Variants in ME2 observed in about 807,000 individuals in gnomAD.
ME2 encodes NAD-dependent malic enzyme, mitochondrial.
In ME2, 60 loss-of-function variants were observed where a neutral mutation model predicts 73.7. The observed-to-expected ratio is 0.81, with a 90% CI of 0.66 to 1.01. The LOEUF is 1.01. ME2 is among the 50% of genes least tolerant of loss of function. The pLI, the probability that ME2 is intolerant of heterozygous loss-of-function variation, is 0.00. For synonymous variants in ME2, 199 were observed against 236.9 expected, an observed-to-expected ratio of 0.84 and a Z score of 1.47; for missense variants, 594 against 705.5, an observed-to-expected ratio of 0.84 and a Z score of 1.79.
chr18:50,933,474 C>T (rs1487882132), intron 13 of ME2: 1 of 152,032 alleles, frequency 6.6e-6, no homozygotes, highest in Non-Finnish European at 1.5e-5. Flanking sequence ...TTTTGCCCCT[C>T]ATGTTTTCCT....
intron 1 of ME2, among the ~76,000 whole-genome samples, chr18:50,894,280 T>G (rs529798097): frequency 3.9e-5 from 6 of 152,328 alleles, no homozygotes; most frequent in African/African-American, 1.2e-4. Flanking sequence ...ACATCCCTTT[T>G]TGGCCGGGCG....
Position 50,920,459 on chromosome 18 carries a change from T to C in ME2, c.738T>C (p.Tyr246=), listed in dbSNP as rs1400533265. The C allele has an allele frequency of 2.5e-6, 4 of 1,591,044 alleles. No individual in the cohort carries two copies. Among genetic ancestry groups the C allele is most frequent in the Admixed American group, 1.9e-5 (1 of 52,316 alleles). Residue 246 remains tyrosine (Y), a synonymous_variant, in exon 8 of 16, where the codon TAT becomes TAC. Coordinates refer to ENST00000321341, the MANE Select transcript of ME2 (RefSeq NM_002396.5). The part of the protein sequence containing the change: ...DEFMKAITDR[Y]GRNTLIQFED... Reference sequence around the variant, plus strand: ...TTGTGGGTTTTGCTGTTTTTAGATATGGCCGGAACACACTCATTCAGTTCG... The same window carrying C: ...TTGTGGGTTTTGCTGTTTTTAGATACGGCCGGAACACACTCATTCAGTTCG...
chr18:50,899,091 C>CT (rs1390363955), intron 2 of ME2, among the ~76,000 whole-genome samples: 2 of 152,172 alleles, frequency 1.3e-5, no homozygotes, highest in East Asian at 3.9e-4. Context: ...CTTGCATTAC[C>CT]GCCTGTGCTC....
intron 1 of ME2, among the ~76,000 whole-genome samples, chr18:50,880,590 T>A (rs1335601050): frequency 1.3e-5 from 2 of 152,220 alleles, no homozygotes; most frequent in Non-Finnish European, 2.9e-5. Flanking sequence ...CTAATTTTTG[T>A]AATTTTAATA....
rs143686338 is a variant in ME2 at position 50,885,345 on chromosome 18, C to T, written c.-13+6037C>T. On this transcript the variant is annotated intron_variant, in intron 1 of 15. Transcript: ENST00000321341. ...AGACCAGCCTGGGCAACATAGCAAA[C>T]GCCAGCTGTACAAAATATTAAAATT... 8.1e-4 allele frequency among the ~76,000 whole-genome samples: 123 copies of T among 152,120 alleles called. 1 individual carries two copies. Among genetic ancestry groups the T allele is most frequent in the Admixed American group, 5.7e-3 (87 of 15,266 alleles).
intron 2 of ME2, among the ~76,000 whole-genome samples, chr18:50,903,645 C>T (rs1356638139): frequency 3.3e-5 from 5 of 152,118 alleles, no homozygotes; most frequent in Non-Finnish European, 7.4e-5. Flanking sequence ...GATGAGGTTT[C>T]ACCATGCTGC....
At chr18:50,880,213 A>G (rs565551702) in intron 1 of ME2, among the ~76,000 whole-genome samples, 1 of 152,296 alleles carries the variant, frequency 6.6e-6, no homozygotes, top group South Asian at 2.1e-4. Context: ...TAACCCTTTG[A>G]GGTTGATACT....
intron 1 of ME2, among the ~76,000 whole-genome samples, chr18:50,882,505 T>A (rs909905529): frequency 6.6e-6 from 1 of 152,194 alleles, no homozygotes. Flanking sequence ...CCCACTTTAT[T>A]GATGAGAAAA....
intron 12 of ME2, among the ~76,000 whole-genome samples, chr18:50,928,141 C>T (rs1249086916): frequency 1.3e-5 from 2 of 150,168 alleles, no homozygotes; most frequent in African/African-American, 4.9e-5. Flanking sequence ...ATGTGAATTG[C>T]AATTAAAATT....
intron 2 of ME2, among the ~76,000 whole-genome samples, chr18:50,897,407 A>G (rs140373696): frequency 1.2e-4 from 18 of 152,334 alleles, no homozygotes; most frequent in African/African-American, 4.1e-4. Context: ...AGCATAGTCT[A>G]AGTGCATTAC....
chr18:50,945,498 C>T (rs1157964266), intron 15 of ME2, among the ~76,000 whole-genome samples: 1 of 152,122 alleles, frequency 6.6e-6, no homozygotes, highest in Non-Finnish European at 1.5e-5. Flanking sequence ...CTTCTTTTTC[C>T]TAGTCAGTGA....
At chr18:50,924,513 A>G (rs890183289) in intron 11 of ME2, among the ~76,000 whole-genome samples, 5 of 152,208 alleles carry the variant, frequency 3.3e-5, no homozygotes, top group East Asian at 1.9e-4. Context: ...GGAAAATTCT[A>G]TGCAGACTCA....
At chr18:50,897,006 G>A (rs1428568310) in intron 2 of ME2, among the ~76,000 whole-genome samples, 1 of 152,158 alleles carries the variant, frequency 6.6e-6, no homozygotes, top group East Asian at 1.9e-4. Context: ...TTCAAATCCA[G>A]TTCTCCTGTA....
intron 12 of ME2, among the ~76,000 whole-genome samples, chr18:50,928,376 G>C (rs1473337937): frequency 1.3e-5 from 2 of 151,590 alleles, no homozygotes; most frequent in Non-Finnish European, 2.9e-5. Flanking sequence ...CTCCCGAGTA[G>C]CTGGGTGCCC....
rs1318595505 is a variant in ME2, at chr18:50,922,370, T to G, written c.1056+1183T>G. On this transcript the variant is annotated intron_variant, in intron 10 of 15. Transcript: ENST00000321341. ...GTCATCAGCTTATAAGTGACGGAGG[T>G]AGGATTCAAAACCAAGTATCCTGAC... 2.0e-5 allele frequency among the ~76,000 whole-genome samples: 3 copies of G among 152,150 alleles called. No homozygotes were observed. In the East Asian group the frequency reaches 5.8e-4, roughly 29 times the overall value.
chr18:50,918,092 A>T lies in ME2; in HGVS notation c.631-18A>T. On this transcript the variant is annotated intron_variant, in intron 6 of 15. Coordinates refer to ENST00000321341, the MANE Select transcript of ME2 (RefSeq NM_002396.5). ...ATTATATAAATTATTTTATTTTTAC[A>T]TTTGGTTTATTTTGTAGGCACTCTT... 1.4e-6 allele frequency: 2 copies of T among 1,468,812 alleles called. No individual in the cohort carries two copies. Among genetic ancestry groups the T allele is most frequent in the East Asian group, 2.3e-5 (1 of 43,274 alleles). The allele number at this position is 1,468,812 out of a possible 1,614,324, so 91.0% of individuals were successfully genotyped here. A position where few individuals can be genotyped will look rare whatever the true frequency, so the allele number is the denominator to read the frequency against.
chr18:50,900,177 C>A (rs999893071), intron 2 of ME2, among the ~76,000 whole-genome samples: 7 of 150,624 alleles, frequency 4.6e-5, no homozygotes, highest in African/African-American at 1.5e-4. Flanking sequence ...ATTACAAAGC[C>A]CATTTCATCT....
At chr18:50,921,740 C>G (rs1917436302) in intron 10 of ME2, among the ~76,000 whole-genome samples, 1 of 152,072 alleles carries the variant, frequency 6.6e-6, no homozygotes, top group Admixed American at 6.6e-5. Flanking sequence ...AATTCTTAAC[C>G]CTTTGGAGAT....
chr18:50,916,335 T>A, intron 5 of ME2, 92 bp downstream of exon 5: 1 of 1,013,378 alleles, frequency 9.9e-7, no homozygotes, highest in Non-Finnish European at 1.5e-6. Context: ...ATTGTTGCTC[T>A]CATTTATTTT....
Sources: allele counts gnomAD v4.1 joint callset (sites outside exome capture counted in the v4.1 genomes callset), GRCh38; gene constraint gnomAD v4.1.1; transcripts MANE v1.5; gene names NCBI Gene and HGNC (gene_info 2026-07-23, HGNC 2026-07-21).